ATP9B: variants seen among roughly 807,000 people sequenced by gnomAD.
The protein encoded by ATP9B is ATPase phospholipid transporting 9B.
ATP9B carries 110 observed loss-of-function variants against 146.1 expected under a neutral mutation model. The ratio of observed to expected loss-of-function variants is 0.75; its 90% CI spans 0.65 to 0.88. ATP9B has a LOEUF of 0.88. ATP9B is among the 40% of genes least tolerant of loss of function. The pLI is 0.00. For synonymous variants in ATP9B, 604 were observed against 569.7 expected (o/e 1.06, Z -0.86); for missense variants, 1,499 against 1,496.4 (o/e 1.00, Z -0.03).
Position 79,302,435 on chromosome 18 carries a change from C to T in ATP9B, c.1412-1169C>T, listed in dbSNP as rs115353933. Among the ~76,000 whole-genome samples the T allele has an allele frequency of 1.7e-3, 257 of 151,674 alleles. 3 individuals are homozygous for T. Among genetic ancestry groups the T allele is most frequent in the African/African-American group, 5.7e-3 (235 of 41,310 alleles). On this transcript the variant is annotated intron_variant, in intron 13 of 29. Transcript: ENST00000426216. Reference sequence around the variant, plus strand: ...GGTGAGAGCACCACGCGTGGCAGCACGTTGTGAAATAAGTGCACACACCCC... The same window carrying T: ...GGTGAGAGCACCACGCGTGGCAGCATGTTGTGAAATAAGTGCACACACCCC...
intron 15 of ATP9B, among the ~76,000 whole-genome samples, chr18:79,319,726 T>C (rs1024941044): frequency 6.6e-6 from 1 of 152,244 alleles, no homozygotes; most frequent in African/African-American, 2.4e-5. Flanking sequence ...ATTTAGTTTC[T>C]AGTTCCTCGG....
chr18:79,238,382 C>T (rs532098414), intron 11 of ATP9B, among the ~76,000 whole-genome samples: 56 of 152,256 alleles, frequency 3.7e-4, no homozygotes, highest in African/African-American at 1.3e-3. Context: ...GTGGGCATCA[C>T]GTCTCCGGTG....
chr18:79,210,859 G>A (rs2095578226), intron 10 of ATP9B, among the ~76,000 whole-genome samples: 1 of 152,102 alleles, frequency 6.6e-6, no homozygotes, highest in African/African-American at 2.4e-5. Context: ...ACATTGATTT[G>A]TTAATACCTC....
At chr18:79,255,755 C>T (rs1390515452) in intron 12 of ATP9B, among the ~76,000 whole-genome samples, 5 of 152,166 alleles carry the variant, frequency 3.3e-5, no homozygotes, top group African/African-American at 1.2e-4. Flanking sequence ...CCACGTAAGG[C>T]ACATAGAGGG....
intron 25 of ATP9B, among the ~76,000 whole-genome samples, chr18:79,350,337 G>C (rs1202785154): frequency 1.3e-5 from 2 of 152,252 alleles, no homozygotes; most frequent in African/African-American, 2.4e-5. Flanking sequence ...AAGTGCCTCT[G>C]TTTTAGGCCC....
At chr18:79,355,677 A>G (rs1034820128) in intron 25 of ATP9B, among the ~76,000 whole-genome samples, 2 of 152,192 alleles carry the variant, frequency 1.3e-5, no homozygotes, top group African/African-American at 4.8e-5. Flanking sequence ...TGGGAGTTCC[A>G]GGGGAGAAGA....
At position 79,307,093 on chromosome 18, in the gene ATP9B, C is replaced by A; in HGVS notation, c.1632C>A (p.Ala544=). ...GTGTCAGTAGTCGAATCCATGAAGC[C>A]GTGAAAGCCATCGTGCTGTGTCACA... is the stretch of plus-strand genomic sequence containing the variant. ...RKSVSSRIHE[A]VKAIVLCHNV... is the part of the protein sequence containing the mutation. The change falls in exon 15 of 30, where the codon GCC becomes GCA. Residue 544 remains alanine (A), a synonymous_variant. Coordinates refer to ENST00000426216, the MANE Select transcript of ATP9B (RefSeq NM_198531.5). 1 of 1,614,188 alleles carries A rather than the reference C, an allele frequency of 6.2e-7. No individual in the cohort carries two copies. Among genetic ancestry groups the A allele is most frequent in the East Asian group, 2.2e-5 (1 of 44,880 alleles).
intron 13 of ATP9B, 74 bp downstream of exon 13, chr18:79,277,270 T>C: frequency 6.4e-7 from 1 of 1,554,154 alleles, no homozygotes; most frequent in Non-Finnish European, 8.8e-7. Flanking sequence ...AGCGTATAGA[T>C]ATATGTTTAT....
At chr18:79,196,443 A>G (rs1045445325) in intron 9 of ATP9B, among the ~76,000 whole-genome samples, 7 of 152,182 alleles carry the variant, frequency 4.6e-5, no homozygotes, top group African/African-American at 1.7e-4. Context: ...GCTTCCTCTA[A>G]TAATCAGCTG....
chr18:79,173,737 A>G, intron 7 of ATP9B: 1 of 455,940 alleles, frequency 2.2e-6, no homozygotes, highest in Non-Finnish European at 4.4e-6. Context: ...CCATCTGGTA[A>G]GTCTTAAAAT....
At chr18:79,305,612 T>A (rs1400985057) in intron 14 of ATP9B, among the ~76,000 whole-genome samples, 4 of 151,962 alleles carry the variant, frequency 2.6e-5, no homozygotes, top group Non-Finnish European at 5.9e-5. Flanking sequence ...AAAAAAAAAA[T>A]TATCTATGAA....
intron 9 of ATP9B, among the ~76,000 whole-genome samples, chr18:79,201,116 C>T (rs1005310444): frequency 6.6e-6 from 1 of 152,192 alleles, no homozygotes; most frequent in Non-Finnish European, 1.5e-5. Flanking sequence ...ATTAAAGATA[C>T]ATTTACTTTG....
chr18:79,336,490 C>T (rs1376012107), intron 17 of ATP9B, 138 bp from the exon 18 acceptor site: 40 of 706,308 alleles, frequency 5.7e-5, no homozygotes, highest in Non-Finnish European at 9.4e-5. Context: ...GCTGAGTTGT[C>T]TCTGGCCTTG....
chr18:79,268,123 T>G (rs1232778923), intron 12 of ATP9B, among the ~76,000 whole-genome samples: 1 of 152,148 alleles, frequency 6.6e-6, no homozygotes. Flanking sequence ...TAAAGCTTTT[T>G]GCATTAAATT....
intron 15 of ATP9B, among the ~76,000 whole-genome samples, chr18:79,322,531 C>T (rs1356120290): frequency 6.6e-6 from 1 of 152,222 alleles, no homozygotes; most frequent in Non-Finnish European, 1.5e-5. Context: ...GTGGCTTCAG[C>T]CCTGGCCACA....
chr18:79,217,579 G>T (rs1248385479), intron 11 of ATP9B, among the ~76,000 whole-genome samples: 2 of 152,204 alleles, frequency 1.3e-5, no homozygotes, highest in Non-Finnish European at 2.9e-5. Flanking sequence ...AGTTTTACAA[G>T]AATAAAATTC....
At position 79,231,098 on chromosome 18, in the gene ATP9B, A is replaced by C. The variant is rs186042843; in HGVS notation, c.1107+17060A>C. On this transcript the variant is annotated intron_variant, in intron 11 of 29. Transcript: ENST00000426216. ...CTTCTAGACATTGGCTTAGGCAAAG[A>C]CTTCGTGACCAAGAACCCAAAAGCA... Among the ~76,000 whole-genome samples, 216 of 152,332 alleles carry C rather than the reference A, an allele frequency of 1.4e-3. 3 individuals are homozygous for C. The highest frequency in any genetic ancestry group is 4.3e-3 in the African/African-American group (180 of 41,580).
intron 7 of ATP9B, among the ~76,000 whole-genome samples, chr18:79,159,282 A>G (rs1390135246): frequency 6.6e-6 from 1 of 152,150 alleles, no homozygotes; most frequent in African/African-American, 2.4e-5. Flanking sequence ...CTTAGCAGGT[A>G]TGTACACTTG....
chr18:79,301,227 C>T (rs11876336), intron 13 of ATP9B, among the ~76,000 whole-genome samples: 3,717 of 152,230 alleles, frequency 0.024, 157 homozygotes, highest in African/African-American at 0.084. Context: ...GGTGGTGGCT[C>T]ACACCTGTTA....
Sources: allele counts gnomAD v4.1 joint callset (sites outside exome capture counted in the v4.1 genomes callset), GRCh38; gene constraint gnomAD v4.1.1; transcripts MANE v1.5; gene names NCBI Gene and HGNC (gene_info 2026-07-23, HGNC 2026-07-21).